The following RAB38 variants were observed in gnomAD, a reference collection of about 807,000 sequenced individuals.
The protein encoded by RAB38 is ras-related protein Rab-38.
RAB38 carries 15 observed loss-of-function variants against 18.4 expected under a neutral mutation model. The observed-to-expected ratio is 0.82, with a 90% CI of 0.55 to 1.26. The LOEUF (loss-of-function observed/expected upper bound fraction) is 1.26. Ranked by LOEUF, RAB38 falls within the 50% of genes most tolerant of loss-of-function variation. The pLI, the probability that RAB38 is intolerant of heterozygous loss-of-function variation, is 0.00. For missense variants in RAB38, 294 were observed against 267.4 expected, an observed-to-expected ratio of 1.10 and a Z score of -0.69; for synonymous variants, 101 against 104.4, an observed-to-expected ratio of 0.97 and a Z score of 0.20.
the RAB38 span, among the ~76,000 whole-genome samples, chr11:87,974,701 C>A: frequency 6.6e-6 from 1 of 150,448 alleles, no homozygotes; most frequent in African/African-American, 2.4e-5. Flanking sequence ...TGCTGAAAAC[C>A]AAGCCTGCTG....
the RAB38 span, among the ~76,000 whole-genome samples, chr11:87,885,486 T>A: frequency 6.6e-6 from 1 of 152,024 alleles, no homozygotes; most frequent in Non-Finnish European, 1.5e-5. Context: ...CCATGTAGCC[T>A]AGGCACGAAA....
chr11:87,944,064 G>A, the RAB38 span, among the ~76,000 whole-genome samples: 3 of 152,068 alleles, frequency 2.0e-5, no homozygotes, highest in East Asian at 3.9e-4. Flanking sequence ...TAAGTTACAT[G>A]AATTCTTTGG....
intron 1 of RAB38, 54 bp from the exon 2 acceptor site, chr11:88,150,009 A>G: frequency 6.5e-7 from 1 of 1,535,222 alleles, no homozygotes; most frequent in Non-Finnish European, 8.8e-7. Flanking sequence ...AAACTGAATC[A>G]TATTATAACT....
chr11:88,036,430 A>C, the RAB38 span, among the ~76,000 whole-genome samples: 1 of 152,214 alleles, frequency 6.6e-6, no homozygotes, highest in African/African-American at 2.4e-5. Context: ...ATTCAAATAC[A>C]ATACCATAGC....
At chr11:88,174,629 A>AC (rs1943355459) in intron 1 of RAB38, among the ~76,000 whole-genome samples, 2 of 148,106 alleles carry the variant, frequency 1.4e-5, no homozygotes, top group South Asian at 4.3e-4. Flanking sequence ...GCAAAAAAAA[A>AC]AAAAAAAAAA....
At chr11:88,060,749 AC>A in the RAB38 span, among the ~76,000 whole-genome samples, 1 of 152,104 alleles carries the variant, frequency 6.6e-6, no homozygotes, top group Non-Finnish European at 1.5e-5. Context: ...CAGTAGCACC[AC>A]CCCCAGTTGT....
At chr11:88,011,805 A>T in the RAB38 span, among the ~76,000 whole-genome samples, 1 of 152,166 alleles carries the variant, frequency 6.6e-6, no homozygotes, top group Non-Finnish European at 1.5e-5. Flanking sequence ...AATGTTTCCA[A>T]GTCAGACAGT....
At chr11:88,004,272 TA>T in the RAB38 span, among the ~76,000 whole-genome samples, 1 of 139,788 alleles carries the variant, frequency 7.2e-6, no homozygotes, top group Admixed American at 7.2e-5. Flanking sequence ...CAGCAATTTG[TA>T]AAAGGTATGA....
At chr11:87,950,712 C>T in the RAB38 span, among the ~76,000 whole-genome samples, 114 of 152,258 alleles carry the variant, frequency 7.5e-4, 1 homozygote, top group African/African-American at 2.7e-3. Context: ...TGAATATTGG[C>T]CCCCACTCTC....
chr11:87,823,089 C>T, the RAB38 span, among the ~76,000 whole-genome samples: 1 of 151,566 alleles, frequency 6.6e-6, no homozygotes, highest in Non-Finnish European at 1.5e-5. Flanking sequence ...GACAAATCTC[C>T]AATCATTATA....
chr11:87,897,402 G>C, the RAB38 span, among the ~76,000 whole-genome samples: 1 of 151,576 alleles, frequency 6.6e-6, no homozygotes, highest in Admixed American at 6.6e-5. Context: ...ATCTTGGGTA[G>C]CATGCAGTAT....
At chr11:87,956,878 C>G in the RAB38 span, among the ~76,000 whole-genome samples, 1,827 of 152,064 alleles carry the variant, frequency 0.012, 33 homozygotes, top group African/African-American at 0.041. Flanking sequence ...TCCCTCCCCC[C>G]ACCTTCAGTT....
chr11:88,027,250 G>A, the RAB38 span, among the ~76,000 whole-genome samples: 1 of 152,046 alleles, frequency 6.6e-6, no homozygotes, highest in South Asian at 2.1e-4. Flanking sequence ...ATCTCAAAAT[G>A]GCTGAATAGG....
intron 1 of RAB38, among the ~76,000 whole-genome samples, chr11:88,167,865 G>T (rs184474929): frequency 2.7e-4 from 41 of 152,254 alleles, no homozygotes; most frequent in African/African-American, 9.6e-4. Context: ...GAATAAACCT[G>T]ATTCCTACCC....
chr11:87,868,608 A>AGAGAGAGAGAGAGAGAGAGAGG, the RAB38 span, among the ~76,000 whole-genome samples: 9 of 102,988 alleles, frequency 8.7e-5, no homozygotes, highest in African/African-American at 2.4e-4. Context: ...AGAGAGAGAG[A>AGAGAGAGAGAGAGAGAGAGAGG]GAGAGAGAGA....
the RAB38 span, among the ~76,000 whole-genome samples, chr11:88,105,384 A>T: frequency 6.6e-6 from 1 of 152,140 alleles, no homozygotes; most frequent in Admixed American, 6.6e-5. Context: ...TACCTATACA[A>T]ATCTATGGCT....
At chr11:88,145,478 G>C (rs908866122) in intron 2 of RAB38, among the ~76,000 whole-genome samples, 2 of 152,044 alleles carry the variant, frequency 1.3e-5, no homozygotes, top group Non-Finnish European at 2.9e-5. Flanking sequence ...AGTAGCTCTA[G>C]AAGGTGAGTG....
chr11:88,027,656 A>T, the RAB38 span, among the ~76,000 whole-genome samples: 5 of 152,138 alleles, frequency 3.3e-5, no homozygotes, highest in African/African-American at 1.2e-4. Flanking sequence ...GCAAGGCGGC[A>T]GCGAGGCTGG....
chr11:88,004,545 G>T, the RAB38 span, among the ~76,000 whole-genome samples: 1 of 151,172 alleles, frequency 6.6e-6, no homozygotes, highest in Non-Finnish European at 1.5e-5. Context: ...AATGGTGAAG[G>T]ATCAAACGCT....
Sources: gnomAD v4.1 joint callset for allele counts (sites outside exome capture counted in the v4.1 genomes callset) on GRCh38, gnomAD v4.1.1 for gene constraint, MANE v1.5 for transcripts, NCBI Gene and HGNC (gene_info 2026-07-23, HGNC 2026-07-21) for gene names.